The following PGRMC1 variants were observed in gnomAD, a reference collection of about 807,000 sequenced individuals.
The protein encoded by PGRMC1 is membrane-associated progesterone receptor component 1.
For synonymous variants in PGRMC1, 73 were observed against 77.3 expected (o/e 0.94, Z 0.29); for missense variants, 145 against 169.0 (o/e 0.86, Z 0.79).
At chrX:119,242,573 T>A (rs1295017095) in intron 2 of PGRMC1, among the ~76,000 whole-genome samples, 1 of 111,296 alleles carries the variant, frequency 9.0e-6, no homozygotes, top group Non-Finnish European at 1.9e-5. Flanking sequence ...CTTATAAACC[T>A]TCAGTGCCCT....
chrX:119,243,744 A>G lies in PGRMC1; in HGVS notation c.*490A>G, dbSNP rs968981882. ...TGTTCCAAAGACTTTGGTATGGATT[A>G]AGCGCTGTCCAGTAACAAAATGAAA... is the stretch of plus-strand genomic sequence containing the variant. On this transcript the variant is annotated 3_prime_UTR_variant, in exon 3 of 3. Transcript: ENST00000217971. 8 of 139,590 alleles carry G rather than the reference A, an allele frequency of 5.7e-5. No homozygotes were observed. Among genetic ancestry groups the G allele is most frequent in the Non-Finnish European group, 1.1e-4 (8 of 71,521 alleles). The allele number at this position is 139,590 out of a possible 1,213,427, so 11.5% of individuals were successfully genotyped here.
At chrX:119,242,222 T>TG (rs1930834373) in intron 2 of PGRMC1, among the ~76,000 whole-genome samples, 1 of 110,474 alleles carries the variant, frequency 9.1e-6, no homozygotes. Context: ...TTTTTTTTTT[T>TG]TCTTGCCAAT....
Position 119,236,501 on chromosome X carries a change from G to A in PGRMC1, c.138G>A (p.Val46=), listed in dbSNP as rs1278612685. 1 of 1,210,470 alleles carries A rather than the reference G, an allele frequency of 8.3e-7. No individual in the cohort carries two copies. The highest frequency in any genetic ancestry group is 1.8e-5 in the South Asian group (1 of 56,915). Reference sequence around the variant, plus strand: ...GCATCTTCCTGCTCTACAAGATCGTGCGCGGGGACCAGCCGGCGGCCAGCG... The same window carrying A: ...GCATCTTCCTGCTCTACAAGATCGTACGCGGGGACCAGCCGGCGGCCAGCG... ...GLCIFLLYKI[V]RGDQPAASGD... Residue 46 remains valine, a synonymous_variant, in exon 1 of 3, where the codon GTG becomes GTA. Coordinates refer to ENST00000217971, the MANE Select transcript of PGRMC1 (RefSeq NM_006667.5).
intron 2 of PGRMC1, among the ~76,000 whole-genome samples, chrX:119,242,329 C>T (rs1471360236): frequency 9.1e-6 from 1 of 109,791 alleles, no homozygotes; most frequent in African/African-American, 3.3e-5. Context: ...TCCATGGGAG[C>T]TCCAATTTTC....
At chrX:119,241,991 C>T (rs1428167837) in intron 2 of PGRMC1, among the ~76,000 whole-genome samples, 1 of 111,808 alleles carries the variant, frequency 8.9e-6, no homozygotes, top group Non-Finnish European at 1.9e-5. Context: ...CTTTAACCAC[C>T]CATAGGTTTT....
At chrX:119,240,220 T>G (rs1459657039) in intron 1 of PGRMC1, 89 bp from the exon 2 acceptor site, 12 of 898,511 alleles carry the variant, frequency 1.3e-5, no homozygotes, top group Non-Finnish European at 1.5e-5. Flanking sequence ...TGGGGCTATG[T>G]TGATGAATAG....
intron 2 of PGRMC1, among the ~76,000 whole-genome samples, chrX:119,241,723 C>T (rs1930822667): frequency 8.9e-6 from 1 of 111,749 alleles, no homozygotes; most frequent in Non-Finnish European, 1.9e-5. Flanking sequence ...TCCAATTGTT[C>T]CCAACGGTTA....
chrX:119,238,483 T>TA (rs770487398), intron 1 of PGRMC1, among the ~76,000 whole-genome samples: 3 of 112,527 alleles, frequency 2.7e-5, no homozygotes, highest in Non-Finnish European at 5.6e-5. Flanking sequence ...ATCATGTAAA[T>TA]ACCTGTTAAT....
intron 1 of PGRMC1, among the ~76,000 whole-genome samples, chrX:119,238,959 T>C (rs1053621365): frequency 1.8e-5 from 2 of 112,664 alleles, no homozygotes; most frequent in African/African-American, 6.5e-5. Flanking sequence ...CTGAATAATA[T>C]GTATTTTTAA....
chrX:119,238,592 C>T (rs1212048315), intron 1 of PGRMC1, among the ~76,000 whole-genome samples: 2 of 112,288 alleles, frequency 1.8e-5, no homozygotes, highest in Non-Finnish European at 3.8e-5. Context: ...GTGCACAGAG[C>T]ACAAAACTGG....
chrX:119,236,797 G>A, intron 1 of PGRMC1, 106 bp downstream of exon 1: 1 of 674,623 alleles, frequency 1.5e-6, no homozygotes, highest in Non-Finnish European at 2.2e-6. Flanking sequence ...AGTGGAGGGA[G>A]GAATGGCGGC....
At chrX:119,237,884 C>G (rs942229586) in intron 1 of PGRMC1, among the ~76,000 whole-genome samples, 3 of 111,554 alleles carry the variant, frequency 2.7e-5, no homozygotes, top group Non-Finnish European at 3.8e-5. Flanking sequence ...GCAAATGAGT[C>G]TCGGGTGGTC....
At chrX:119,240,206 A>C in intron 1 of PGRMC1, 103 bp from the exon 2 acceptor site, 1 of 761,507 alleles carries the variant, frequency 1.3e-6, no homozygotes, top group South Asian at 2.2e-5. Flanking sequence ...TTGATATTCA[A>C]AAATGGGGCT....
intron 1 of PGRMC1, among the ~76,000 whole-genome samples, chrX:119,238,410 G>A (rs755803865): frequency 7.2e-5 from 8 of 111,716 alleles, no homozygotes; most frequent in Admixed American, 6.6e-4. Flanking sequence ...AAAATCATTT[G>A]AAAACCACAT....
Position 119,244,452 on chromosome X carries a change from T to C in PGRMC1, c.*1198T>C, listed in dbSNP as rs1930897091. ...ATGTGCTTTGGTCAGTTAATAAAAA[T>C]GGTTTTACCCACTATAGTGTGGTGA... On this transcript the variant is annotated 3_prime_UTR_variant, in exon 3 of 3. Transcript: ENST00000217971. 1.8e-5 allele frequency: 2 copies of C among 112,997 alleles called. 1 individual carries two copies. Among genetic ancestry groups the C allele is most frequent in the South Asian group, 7.3e-4 (2 of 2,756 alleles). The allele number at this position is 112,997 out of a possible 1,213,427, so 9.3% of individuals were successfully genotyped here.
chrX:119,236,430 C>T lies in PGRMC1; in HGVS notation c.67C>T (p.His23Tyr). 5.0e-6 allele frequency: 6 copies of T among 1,210,974 alleles called. No homozygotes were observed. The highest frequency in any genetic ancestry group is 5.6e-6 in the Non-Finnish European group (5 of 894,789). Reference sequence around the variant, plus strand: ...CGATCTGGAGAGCGGCGGGCTGCTGCATGAGATTTTCACGTCGCCGCTCAA... The same window carrying T: ...CGATCTGGAGAGCGGCGGGCTGCTGTATGAGATTTTCACGTCGCCGCTCAA... ...PSDLESGGLL[H>Y]EIFTSPLNLL... Residue 23 changes from histidine to tyrosine, a missense_variant, in exon 1 of 3, where the codon CAT (histidine) becomes TAT (tyrosine). His to Tyr is a moderately conservative substitution (Grantham distance 83, BLOSUM62 2). Coordinates refer to ENST00000217971, the MANE Select transcript of PGRMC1 (RefSeq NM_006667.5).
chrX:119,240,974 T>TA (rs1414792989), intron 2 of PGRMC1, among the ~76,000 whole-genome samples: 1 of 112,258 alleles, frequency 8.9e-6, no homozygotes, highest in East Asian at 2.8e-4. Flanking sequence ...TCTGCATTTT[T>TA]AAAAAGAAAG....
At chrX:119,241,662 C>T (rs911292210) in intron 2 of PGRMC1, among the ~76,000 whole-genome samples, 2 of 111,783 alleles carry the variant, frequency 1.8e-5, no homozygotes, top group Non-Finnish European at 3.8e-5. Flanking sequence ...GTGGATTCCC[C>T]TTAAGGCAGG....
rs1010987624 is a variant in PGRMC1 at position 119,239,045 on chromosome X, A to G, written c.329-1264A>G. On this transcript the variant is annotated intron_variant, in intron 1 of 2. Transcript: ENST00000217971. ...ATATTCTATGAGGTTTAAATATTCTATGTTTAAATATTCTATGAGGTTTGC... is the reference window on the plus strand; with the variant it reads ...ATATTCTATGAGGTTTAAATATTCTGTGTTTAAATATTCTATGAGGTTTGC... 3.6e-5 allele frequency among the ~76,000 whole-genome samples: 4 copies of G among 112,264 alleles called. No individual in the cohort carries two copies. In the East Asian group the frequency reaches 1.1e-3, roughly 31 times the overall value.
Sources: gnomAD v4.1 joint callset for allele counts (sites outside exome capture counted in the v4.1 genomes callset) on GRCh38, gnomAD v4.1.1 for gene constraint, MANE v1.5 for transcripts, NCBI Gene and HGNC (gene_info 2026-07-23, HGNC 2026-07-21) for gene names.